Variants in MYCT1 observed in about 807,000 individuals in gnomAD.
MYCT1 encodes MYC target 1.
MYCT1 carries 12 observed loss-of-function variants against 15.0 expected under a neutral mutation model. The ratio of observed to expected loss-of-function variants is 0.80; its 90% CI spans 0.51 to 1.29. The LOEUF is 1.29. Among genes scored for constraint, MYCT1 ranks in the 50% most tolerant of loss-of-function variants. The pLI is 0.00. For synonymous variants in MYCT1, 104 were observed against 102.7 expected, an observed-to-expected ratio of 1.01 and a Z score of -0.07; for missense variants, 287 against 279.1, an observed-to-expected ratio of 1.03 and a Z score of -0.20.
At chr6:152,713,728 G>A (rs1161875909) in intron 1 of MYCT1, among the ~76,000 whole-genome samples, 2 of 151,964 alleles carry the variant, frequency 1.3e-5, no homozygotes, top group Non-Finnish European at 2.9e-5. Context: ...TAAAATTTGG[G>A]GATTCTCCTC....
intron 1 of MYCT1, chr6:152,706,262 T>C (rs772211706): frequency 1.2e-5 from 8 of 664,664 alleles, no homozygotes; most frequent in Non-Finnish European, 2.2e-5. Context: ...GAAATCACTG[T>C]AACCATCAGT....
chr6:152,707,396 T>C (rs1713283664), intron 1 of MYCT1, among the ~76,000 whole-genome samples: 4 of 152,108 alleles, frequency 2.6e-5, no homozygotes, highest in African/African-American at 9.7e-5. Flanking sequence ...TTATATACTT[T>C]AGATGTTAAC....
the MYCT1 span, among the ~76,000 whole-genome samples, chr6:152,739,104 A>T: frequency 6.6e-6 from 1 of 151,926 alleles, no homozygotes; most frequent in Non-Finnish European, 1.5e-5. Flanking sequence ...GGATACTTTT[A>T]AAAAAATAAA....
intron 1 of MYCT1, among the ~76,000 whole-genome samples, chr6:152,703,980 ATTTTATTTTATTTTATTTTATTTTATT>A (rs2099721794): frequency 7.1e-6 from 1 of 140,702 alleles, no homozygotes. Flanking sequence ...ATTTTATTTT[ATTTTATTTTATTTTATTTTATTTTATT>A]TTATTTTTGA....
chr6:152,740,454 T>C, the MYCT1 span, among the ~76,000 whole-genome samples: 12 of 152,320 alleles, frequency 7.9e-5, no homozygotes, highest in African/African-American at 2.6e-4. Context: ...TTTAACCATA[T>C]AGAATTTTTG....
In MYCT1 at chr6:152,716,924, A is replaced by G. The variant is rs868403747; in HGVS notation, c.197-4818A>G. ...TATGGCTCATTTTTCTTCTCCTTAG[A>G]TTGTTGAGAAGTAAGAAGGCATATC... On this transcript the variant is annotated intron_variant, in intron 1 of 1. Coordinates refer to ENST00000367245, the MANE Select transcript of MYCT1 (RefSeq NM_025107.3). Among the ~76,000 whole-genome samples, 23 of 152,254 alleles carry G rather than the reference A, an allele frequency of 1.5e-4. No individual in the cohort carries two copies. The Middle Eastern group carries it at 0.01, about 68-fold the overall frequency.
chr6:152,716,257 A>G (rs1298041136), intron 1 of MYCT1, among the ~76,000 whole-genome samples: 2 of 152,186 alleles, frequency 1.3e-5, no homozygotes, highest in African/African-American at 4.8e-5. Flanking sequence ...AAATTATTAT[A>G]ATCAATCAAA....
chr6:152,706,200 A>C (rs1012292116), intron 1 of MYCT1: 3 of 821,386 alleles, frequency 3.7e-6, no homozygotes, highest in Non-Finnish European at 6.3e-6. Flanking sequence ...CTCACCAATA[A>C]CTTCAGAGAA....
intron 1 of MYCT1, among the ~76,000 whole-genome samples, chr6:152,720,512 A>C (rs1278334674): frequency 6.6e-6 from 1 of 152,190 alleles, no homozygotes; most frequent in Non-Finnish European, 1.5e-5. Flanking sequence ...ATAAGCAATT[A>C]GATATGATAG....
the MYCT1 span, among the ~76,000 whole-genome samples, chr6:152,741,761 T>C: frequency 6.6e-6 from 1 of 152,226 alleles, no homozygotes; most frequent in South Asian, 2.1e-4. Flanking sequence ...TCCCAATATA[T>C]GAATCAAGCA....
the MYCT1 span, among the ~76,000 whole-genome samples, chr6:152,742,720 T>A: frequency 6.6e-6 from 1 of 152,138 alleles, no homozygotes; most frequent in African/African-American, 2.4e-5. Flanking sequence ...TCCAAAGAAC[T>A]TGGAATCCCA....
chr6:152,717,098 G>A (rs1473331683), intron 1 of MYCT1, among the ~76,000 whole-genome samples: 2 of 152,006 alleles, frequency 1.3e-5, no homozygotes, highest in Non-Finnish European at 2.9e-5. Flanking sequence ...TGTATGACCA[G>A]TAGATGCTGC....
intron 1 of MYCT1, among the ~76,000 whole-genome samples, chr6:152,721,532 G>T (rs1413796019): frequency 6.6e-6 from 1 of 152,112 alleles, no homozygotes; most frequent in Non-Finnish European, 1.5e-5. Flanking sequence ...GCAGCTGAAA[G>T]TGTTATTTTG....
chr6:152,743,205 A>G, the MYCT1 span, among the ~76,000 whole-genome samples: 1 of 152,136 alleles, frequency 6.6e-6, no homozygotes. Context: ...AGCTGGGAAC[A>G]CAGGCATGCA....
chr6:152,717,973 C>T (rs949788585), intron 1 of MYCT1, among the ~76,000 whole-genome samples: 9 of 152,024 alleles, frequency 5.9e-5, no homozygotes, highest in East Asian at 3.9e-4. Flanking sequence ...ATGATTCTCA[C>T]GTACATTTTA....
At chr6:152,736,463 A>G in the MYCT1 span, among the ~76,000 whole-genome samples, 1 of 152,254 alleles carries the variant, frequency 6.6e-6, no homozygotes, top group South Asian at 2.1e-4. Flanking sequence ...TGAGGGGACT[A>G]TTAGAGTATC....
At chr6:152,728,889 GAGTGAGACCC>G (rs1461197915), downstream of MYCT1, among the ~76,000 whole-genome samples, 7 of 152,184 alleles carry the variant, frequency 4.6e-5, no homozygotes, top group Non-Finnish European at 7.3e-5. Context: ...CTGGGTGACA[GAGTGAGACCC>G]TGTCTCAAAT....
downstream of MYCT1, among the ~76,000 whole-genome samples, chr6:152,727,031 G>A (rs1173096621): frequency 6.6e-6 from 1 of 152,064 alleles, no homozygotes; most frequent in African/African-American, 2.4e-5. Flanking sequence ...CCAAGATGGT[G>A]AAACCTTGTC....
At chr6:152,701,513 T>G (rs575306096) in intron 1 of MYCT1, among the ~76,000 whole-genome samples, 1 of 152,312 alleles carries the variant, frequency 6.6e-6, no homozygotes, top group East Asian at 1.9e-4. Flanking sequence ...ATCCAGTGAT[T>G]TATAATCTCT....
Sources: allele counts gnomAD v4.1 joint callset (sites outside exome capture counted in the v4.1 genomes callset), GRCh38; gene constraint gnomAD v4.1.1; transcripts MANE v1.5; gene names NCBI Gene and HGNC (gene_info 2026-07-23, HGNC 2026-07-21).